The following HDAC8 variants were observed in gnomAD, a reference collection of about 807,000 sequenced individuals.
HDAC8 encodes histone deacetylase-like 1.
HDAC8 carries 1 observed loss-of-function variant against 32.2 expected under a neutral mutation model. The observed-to-expected ratio is 0.03, with a 90% confidence interval of 0.01 to 0.15. The LOEUF (loss-of-function observed/expected upper bound fraction) is 0.15, where lower values mean the gene tolerates loss of function less well. Ranked by LOEUF, HDAC8 falls within the 10% of genes least tolerant of loss-of-function variation. The pLI is 1.00. For synonymous variants in HDAC8, 108 were observed against 113.9 expected (o/e 0.95, Z 0.33); for missense variants, 117 against 300.0 (o/e 0.39, Z 4.51).
intron 7 of HDAC8, among the ~76,000 whole-genome samples, chrX:72,487,460 C>T (rs2048713800): frequency 9.0e-6 from 1 of 110,824 alleles, no homozygotes; most frequent in African/African-American, 3.3e-5. Context: ...CAGTGAAATG[C>T]CAAGTTGATG....
At position 72,572,062 on chromosome X, in the gene HDAC8, C is replaced by T. The variant is rs11093377; in HGVS notation, c.159G>A (p.Gln53=). ...GTTCAAGAAAGACAACTTACCTCAT[C>T]TGCTTATGCAGTGCATATGCTTCAA... ...SLIEAYALHK[Q]MRIVKPKVAS... Residue 53 remains glutamine (Q), a synonymous_variant, in exon 2 of 11, where the codon CAG becomes CAA. Coordinates refer to ENST00000373573, the MANE Select transcript of HDAC8 (RefSeq NM_018486.3). The T allele has an allele frequency of 0.082, 97,872 of 1,186,704 alleles. 17,200 individuals carry two copies. The highest frequency in any genetic ancestry group is 0.68 in the East Asian group (22,430 of 32,857).
At chrX:72,510,784 C>T (rs1603129106) in intron 4 of HDAC8, among the ~76,000 whole-genome samples, 1 of 111,864 alleles carries the variant, frequency 8.9e-6, no homozygotes, top group Middle Eastern at 4.6e-3. Flanking sequence ...TGGCTGTAAG[C>T]TTCTTTAGCA....
chrX:72,354,203 A>T (rs1398911332), intron 9 of HDAC8, among the ~76,000 whole-genome samples: 5 of 112,460 alleles, frequency 4.4e-5, no homozygotes, highest in Non-Finnish European at 9.4e-5. Context: ...TCTTTGCTGA[A>T]GCAGGCTGGC....
At chrX:72,413,130 A>G (rs1425122400) in intron 9 of HDAC8, among the ~76,000 whole-genome samples, 7 of 108,905 alleles carry the variant, frequency 6.4e-5, no homozygotes, top group African/African-American at 2.4e-4. Flanking sequence ...TTTTATTATT[A>G]TTATACTTTA....
intron 4 of HDAC8, among the ~76,000 whole-genome samples, chrX:72,535,931 A>G (rs994227508): frequency 2.7e-5 from 3 of 112,062 alleles, no homozygotes; most frequent in Non-Finnish European, 5.6e-5. Context: ...ATTAGAACAC[A>G]TTAGCTTTCT....
intron 9 of HDAC8, among the ~76,000 whole-genome samples, chrX:72,461,572 A>G (rs1368424243): frequency 1.8e-5 from 2 of 111,731 alleles, no homozygotes; most frequent in Admixed American, 9.5e-5. Context: ...TTAGTCAAAG[A>G]AAATTGAGAG....
At chrX:72,361,920 C>T (rs782811274) in intron 9 of HDAC8, among the ~76,000 whole-genome samples, 1 of 111,726 alleles carries the variant, frequency 9.0e-6, no homozygotes, top group Non-Finnish European at 1.9e-5. Context: ...AACCTTAACA[C>T]TATGTAATAC....
In HDAC8 at chrX:72,376,328, C is replaced by G. The variant is rs143062452; in HGVS notation, c.1006-24490G>C. Among the ~76,000 whole-genome samples the G allele has an allele frequency of 7.8e-3, 872 of 112,289 alleles. 7 individuals are homozygous for G. The highest frequency in any genetic ancestry group is 0.011 in the Non-Finnish European group (593 of 53,250). ...CCTAAAGTTTTGTAATTTTGCTGAG[C>G]TTTGCAAAGAACCAACTTTCGATTT... On this transcript the variant is annotated intron_variant, in intron 9 of 10. Coordinates refer to ENST00000373573, the MANE Select transcript of HDAC8 (RefSeq NM_018486.3).
In HDAC8 at chrX:72,329,935, A is replaced by T; in HGVS notation, c.*119T>A. ...TTGATGCCCCTTGGAAATTTTCAGGAAGTAATTTCTTTCAAATTTTCCCTG... is the reference window on the plus strand; with the variant it reads ...TTGATGCCCCTTGGAAATTTTCAGGTAGTAATTTCTTTCAAATTTTCCCTG... On this transcript the variant is annotated 3_prime_UTR_variant, in exon 11 of 11. Transcript: ENST00000373573. The T allele has an allele frequency of 3.4e-6, 3 of 888,247 alleles. No homozygotes were observed. Among genetic ancestry groups the T allele is most frequent in the Non-Finnish European group, 4.9e-6 (3 of 617,054 alleles). The allele number at this position is 888,247 out of a possible 1,213,427, so 73.2% of individuals were successfully genotyped here. A position where few individuals can be genotyped will look rare whatever the true frequency, so the allele number is the denominator to read the frequency against.
chrX:72,505,933 C>G (rs782113924), intron 4 of HDAC8, among the ~76,000 whole-genome samples: 2 of 112,090 alleles, frequency 1.8e-5, no homozygotes, highest in Non-Finnish European at 3.8e-5. Flanking sequence ...CAATATCTTG[C>G]TAATATCCTC....
At chrX:72,399,458 ACTCC>A (rs1555966677) in intron 9 of HDAC8, among the ~76,000 whole-genome samples, 1 of 112,129 alleles carries the variant, frequency 8.9e-6, no homozygotes, top group Non-Finnish European at 1.9e-5. Context: ...CTTTTCTTGC[ACTCC>A]CATGTCAATT....
At chrX:72,454,589 C>T (rs1284171068) in intron 9 of HDAC8, among the ~76,000 whole-genome samples, 12 of 112,290 alleles carry the variant, frequency 1.1e-4, no homozygotes, top group African/African-American at 3.2e-5. Flanking sequence ...CAAAATAATT[C>T]GTCATTTAAA....
chrX:72,330,946 C>CTTTTTTTT (rs66720533), intron 10 of HDAC8: 4 of 55,647 alleles, frequency 7.2e-5, no homozygotes, highest in African/African-American at 2.3e-4. Flanking sequence ...ACTTGCCTAT[C>CTTTTTTTT]TTTTTTTTTT....
chrX:72,379,732 C>A (rs1202350674), intron 9 of HDAC8, among the ~76,000 whole-genome samples: 1 of 110,564 alleles, frequency 9.0e-6, no homozygotes, highest in Admixed American at 9.7e-5. Context: ...AAACTCCTGA[C>A]CTCAGGTGAT....
chrX:72,487,730 G>GT (rs1556006729), intron 7 of HDAC8, among the ~76,000 whole-genome samples: 1 of 94,166 alleles, frequency 1.1e-5, no homozygotes, highest in Non-Finnish European at 2.0e-5. Flanking sequence ...TTCTGTTATG[G>GT]TAAAAAAAAA....
At chrX:72,465,914 T>A (rs1021347202) in intron 7 of HDAC8, among the ~76,000 whole-genome samples, 30 of 111,471 alleles carry the variant, frequency 2.7e-4, no homozygotes, top group African/African-American at 9.8e-4. Flanking sequence ...AGGACTGTTT[T>A]GTTTTGATTT....
At chrX:72,464,883 G>A in intron 7 of HDAC8, 152 bp from the exon 8 acceptor site, 1 of 435,736 alleles carries the variant, frequency 2.3e-6, no homozygotes, top group Non-Finnish European at 4.0e-6. Flanking sequence ...ACTTAAGAGA[G>A]GTGAATCAGA....
chrX:72,566,365 C>G (rs1340870914), intron 4 of HDAC8, among the ~76,000 whole-genome samples: 1 of 112,039 alleles, frequency 8.9e-6, no homozygotes, highest in East Asian at 2.8e-4. Flanking sequence ...GGCAAGCAAG[C>G]AAAAGCTAAC....
At chrX:72,332,235 A>G (rs1371480721) in intron 10 of HDAC8, among the ~76,000 whole-genome samples, 2 of 112,849 alleles carry the variant, frequency 1.8e-5, no homozygotes, top group African/African-American at 3.2e-5. Context: ...TCAAGCCACT[A>G]TGAACATTCA....
Sources: gnomAD v4.1 joint callset for allele counts (sites outside exome capture counted in the v4.1 genomes callset) on GRCh38, gnomAD v4.1.1 for gene constraint, MANE v1.5 for transcripts, NCBI Gene and HGNC (gene_info 2026-07-23, HGNC 2026-07-21) for gene names.